Variants in DDR2 observed in about 807,000 individuals in gnomAD.
DDR2 encodes discoidin domain-containing receptor 2.
DDR2 carries 27 observed loss-of-function variants against 94.9 expected under a neutral mutation model. The ratio of observed to expected loss-of-function variants is 0.28; its 90% CI spans 0.21 to 0.39. The LOEUF is 0.39. Ranked by LOEUF, DDR2 falls within the 10% of genes least tolerant of loss-of-function variation. The pLI is 1.00. For missense variants in DDR2, 783 were observed against 1,076.0 expected, an observed-to-expected ratio of 0.73 and a Z score of 3.81; for synonymous variants, 382 against 377.2, an observed-to-expected ratio of 1.01 and a Z score of -0.15.
chr1:162,654,944 C>A (rs1657883917), intron 1 of DDR2, among the ~76,000 whole-genome samples: 1 of 152,102 alleles, frequency 6.6e-6, no homozygotes, highest in South Asian at 2.1e-4. Context: ...ATTTTTATAA[C>A]AATTATTATT....
chr1:162,752,515 G>C (rs1663262088), intron 3 of DDR2, among the ~76,000 whole-genome samples: 1 of 152,196 alleles, frequency 6.6e-6, no homozygotes, highest in Admixed American at 6.5e-5. Context: ...TCTGGTCTCT[G>C]TTACTCCGTC....
chr1:162,640,006 G>A (rs1049847119), intron 1 of DDR2, among the ~76,000 whole-genome samples: 2 of 151,970 alleles, frequency 1.3e-5, no homozygotes, highest in Non-Finnish European at 2.9e-5. Context: ...AACACTGAGA[G>A]TGAACCCTAA....
rs183461378 is a variant in DDR2 at position 162,681,165 on chromosome 1, A to G, written c.-28+25791A>G. On this transcript the variant is annotated intron_variant, in intron 2 of 17. Transcript: ENST00000367921. ...TTTTTTAGCTTTTATAAAATAGATCACTGGCATATCAGCTTGTTAACGTGC... is the reference window on the plus strand; with the variant it reads ...TTTTTTAGCTTTTATAAAATAGATCGCTGGCATATCAGCTTGTTAACGTGC... Among the ~76,000 whole-genome samples, 201 of 152,314 alleles carry G rather than the reference A, an allele frequency of 1.3e-3. 2 individuals carry two copies. Among genetic ancestry groups the G allele is most frequent in the African/African-American group, 4.7e-3 (197 of 41,572 alleles).
intron 2 of DDR2, among the ~76,000 whole-genome samples, chr1:162,683,652 G>T (rs1036350950): frequency 6.6e-6 from 1 of 151,710 alleles, no homozygotes; most frequent in South Asian, 2.1e-4. Flanking sequence ...TATTATGTAA[G>T]TTTAAATATA....
intron 10 of DDR2, 122 bp from the exon 11 acceptor site, chr1:162,767,107 T>G (rs1571312344): frequency 7.3e-7 from 1 of 1,378,514 alleles, no homozygotes; most frequent in Non-Finnish European, 1.0e-6. Context: ...AGTATTAAGG[T>G]GGCATCTTCC....
chr1:162,750,882 A>G (rs1239236736), intron 3 of DDR2, among the ~76,000 whole-genome samples: 1 of 152,228 alleles, frequency 6.6e-6, no homozygotes, highest in African/African-American at 2.4e-5. Context: ...CCTGACAAAA[A>G]CAAGCAATGG....
chr1:162,776,418 C>G lies in DDR2; in HGVS notation c.2283+48C>G, dbSNP rs1252711743. ...CCCTGTCTAACAACTGGCTTGTGGG[C>G]TCACATGCATGACACGTGGAGACAA... On this transcript the variant is annotated intron_variant, in intron 16 of 17. Coordinates refer to ENST00000367921, the MANE Select transcript of DDR2 (RefSeq NM_006182.4). 1.9e-6 allele frequency: 3 copies of G among 1,587,718 alleles called. No homozygotes were observed. The East Asian group carries it at 6.7e-5, about 35-fold the overall frequency.
intron 14 of DDR2, among the ~76,000 whole-genome samples, chr1:162,774,625 A>G (rs1037838031): frequency 6.6e-6 from 1 of 152,158 alleles, no homozygotes; most frequent in African/African-American, 2.4e-5. Flanking sequence ...ATCTTAGCAC[A>G]TGATTGGAGA....
intron 16 of DDR2, chr1:162,777,605 A>G (rs1266625801): frequency 6.6e-6 from 1 of 152,212 alleles, no homozygotes; most frequent in East Asian, 1.9e-4. Flanking sequence ...TCAAAACAAT[A>G]TATTAGACTG....
chr1:162,646,324 C>T (rs1192204509), intron 1 of DDR2, among the ~76,000 whole-genome samples: 1 of 152,180 alleles, frequency 6.6e-6, no homozygotes, highest in Non-Finnish European at 1.5e-5. Context: ...AAACTTTTCT[C>T]ATTTGTGGTC....
intron 3 of DDR2, among the ~76,000 whole-genome samples, chr1:162,735,982 A>G (rs1311574192): frequency 2.0e-5 from 3 of 152,222 alleles, no homozygotes; most frequent in African/African-American, 7.2e-5. Flanking sequence ...TTAGAGATGC[A>G]TTAAAGCCAG....
At chr1:162,670,095 T>C (rs1011684753) in intron 2 of DDR2, among the ~76,000 whole-genome samples, 1 of 152,224 alleles carries the variant, frequency 6.6e-6, no homozygotes, top group African/African-American at 2.4e-5. Flanking sequence ...TGATTTGCTT[T>C]GTAAACATTT....
intron 4 of DDR2, among the ~76,000 whole-genome samples, chr1:162,753,643 G>C (rs1663319965): frequency 6.6e-6 from 1 of 152,112 alleles, no homozygotes; most frequent in Non-Finnish European, 1.5e-5. Context: ...CAAGCATCAA[G>C]ACACTGAGGC....
chr1:162,638,313 G>A (rs1366349642), intron 1 of DDR2, among the ~76,000 whole-genome samples: 2 of 152,164 alleles, frequency 1.3e-5, no homozygotes, highest in East Asian at 1.9e-4. Context: ...GAGCCACTGC[G>A]CCCGGCCTGG....
intron 7 of DDR2, among the ~76,000 whole-genome samples, chr1:162,756,155 A>T (rs1200879494): frequency 6.6e-6 from 1 of 152,228 alleles, no homozygotes; most frequent in African/African-American, 2.4e-5. Context: ...GGGCAAGTCA[A>T]GAAGTCAGAA....
chr1:162,693,698 T>C (rs2101981011), intron 2 of DDR2, among the ~76,000 whole-genome samples: 1 of 152,248 alleles, frequency 6.6e-6, no homozygotes, highest in Admixed American at 6.5e-5. Context: ...TTGTTTTATA[T>C]GGGGTGGTCG....
intron 7 of DDR2, among the ~76,000 whole-genome samples, chr1:162,758,218 A>G (rs552882618): frequency 5.3e-4 from 81 of 152,308 alleles, no homozygotes; most frequent in South Asian, 1.2e-3. Context: ...CTTTCATTTA[A>G]TAATTGAAGT....
At chr1:162,765,791 G>A (rs1663963006) in intron 9 of DDR2, among the ~76,000 whole-genome samples, 1 of 148,546 alleles carries the variant, frequency 6.7e-6, no homozygotes, top group African/African-American at 2.5e-5. Flanking sequence ...TGTAATATGT[G>A]AAACAAAAAT....
intron 2 of DDR2, among the ~76,000 whole-genome samples, chr1:162,677,528 G>A (rs1659193455): frequency 6.6e-6 from 1 of 152,148 alleles, no homozygotes; most frequent in Non-Finnish European, 1.5e-5. Flanking sequence ...GATAACCCCA[G>A]GAAAAAGAGG....
Sources: gnomAD v4.1 joint callset for allele counts (sites outside exome capture counted in the v4.1 genomes callset) on GRCh38, gnomAD v4.1.1 for gene constraint, MANE v1.5 for transcripts, NCBI Gene and HGNC (gene_info 2026-07-23, HGNC 2026-07-21) for gene names.